GPX3: variants seen among roughly 807,000 people sequenced by gnomAD.
The protein encoded by GPX3 is GPx-3.
GPX3 carries 22 observed loss-of-function variants against 25.1 expected under a neutral mutation model. The ratio of observed to expected loss-of-function variants is 0.88; its 90% CI spans 0.63 to 1.25. GPX3 has a LOEUF of 1.25. Ranked by LOEUF, GPX3 falls within the 50% of genes most tolerant of loss-of-function variation. GPX3 has a pLI of 0.00. For missense variants in GPX3, 278 were observed against 286.6 expected (o/e 0.97, Z 0.22); for synonymous variants, 110 against 114.5 (o/e 0.96, Z 0.25).
At chr5:151,027,104 G>A (rs769035757) in intron 3 of GPX3, 87 bp downstream of exon 3, 14 of 898,930 alleles carry the variant, frequency 1.6e-5, no homozygotes, top group African/African-American at 5.0e-5. Flanking sequence ...GACATTTATC[G>A]GCCACCAAGA....
chr5:151,021,009 G>C (rs986062550), intron 1 of GPX3: 5 of 482,164 alleles, frequency 1.0e-5, no homozygotes, highest in Non-Finnish European at 1.9e-5. Flanking sequence ...CTCTCCCCGA[G>C]CTCGCACTTT....
chr5:151,025,645 A>G, intron 2 of GPX3, 152 bp downstream of exon 2: 1 of 622,206 alleles, frequency 1.6e-6, no homozygotes. Context: ...GGTTTTGTGA[A>G]GATGATTATA....
At chr5:151,027,361 C>A in intron 3 of GPX3, 71 bp from the exon 4 acceptor site, 1 of 973,106 alleles carries the variant, frequency 1.0e-6, no homozygotes, top group Non-Finnish European at 1.6e-6. Flanking sequence ...CTCCCCTGTT[C>A]TGTCCCTTCC....
intron 1 of GPX3, among the ~76,000 whole-genome samples, chr5:151,023,088 C>G (rs1225784834): frequency 1.3e-5 from 2 of 152,188 alleles, no homozygotes; most frequent in Non-Finnish European, 2.9e-5. Flanking sequence ...TCATCCAACT[C>G]TCAAGCCATT....
chr5:151,028,418 G>A lies in GPX3; in HGVS notation c.*288G>A, dbSNP rs955991510. On this transcript the variant is annotated 3_prime_UTR_variant, in exon 5 of 5. Coordinates refer to ENST00000388825, the MANE Select transcript of GPX3 (RefSeq NM_002084.5). ...GTCTTTCTGGGAATGTGTACCATCT[G>A]TGTGCCTGCAGCTGTGTAGTGCTGG... is the stretch of plus-strand genomic sequence containing the variant. 1.6e-5 allele frequency: 7 copies of A among 440,574 alleles called. No individual in the cohort carries two copies. The highest frequency in any genetic ancestry group is 3.0e-5 in the Non-Finnish European group (7 of 235,008). The allele number at this position is 440,574 out of a possible 1,614,324, so 27.3% of individuals were successfully genotyped here.
chr5:151,027,561 G>A (rs1756571028), intron 4 of GPX3, 30 bp downstream of exon 4: 5 of 1,416,986 alleles, frequency 3.5e-6, no homozygotes, highest in Non-Finnish European at 5.0e-6. Context: ...TGCTGGCTGG[G>A]GCTGCAGCCC....
rs147852697 is a variant in GPX3 at position 151,021,039 on chromosome 5, G to A, written c.87+298G>A. 525 of 419,456 alleles carry A rather than the reference G, an allele frequency of 1.3e-3. 12 individuals carry two copies. In the East Asian group the frequency reaches 0.027, roughly 22 times the overall value. 26.0% of individuals were successfully genotyped at this position (419,456 alleles called of 1,614,324 possible). A position where few individuals can be genotyped will look rare whatever the true frequency, so the allele number is the denominator to read the frequency against. ...CACTTTCTCCCCACTGCCACCTCGAGGGTCGCCTTGCTACATCTATGTCAC... is the reference window on the plus strand; with the variant it reads ...CACTTTCTCCCCACTGCCACCTCGAAGGTCGCCTTGCTACATCTATGTCAC... On this transcript the variant is annotated intron_variant, in intron 1 of 4. Coordinates refer to ENST00000388825, the MANE Select transcript of GPX3 (RefSeq NM_002084.5).
intron 1 of GPX3, among the ~76,000 whole-genome samples, chr5:151,023,984 G>T (rs371177447): frequency 6.6e-6 from 1 of 152,140 alleles, no homozygotes. Flanking sequence ...CTGGGGCCAC[G>T]CCCTGCCAGC....
rs1421202245 is a variant in GPX3, at chr5:151,028,948, G to C, written c.*818G>C. 1.3e-5 allele frequency: 2 copies of C among 152,896 alleles called. No individual in the cohort carries two copies. The highest frequency in any genetic ancestry group is 2.9e-5 in the Non-Finnish European group (2 of 68,218). The allele number at this position is 152,896 out of a possible 1,614,324, so 9.5% of individuals were successfully genotyped here. A position where few individuals can be genotyped will look rare whatever the true frequency, so the allele number is the denominator to read the frequency against. On this transcript the variant is annotated 3_prime_UTR_variant, in exon 5 of 5. Transcript: ENST00000388825. ...TCACCCCTCACTGGTCCACTGGCTT[G>C]AGACTCACCCCGTCTGCCCAGTAAA...
At chr5:151,027,209 G>C (rs555532765) in intron 3 of GPX3, among the ~76,000 whole-genome samples, 192 bp downstream of exon 3, 2 of 152,218 alleles carry the variant, frequency 1.3e-5, no homozygotes, top group Non-Finnish European at 2.9e-5. Flanking sequence ...ATGTGCATCC[G>C]CAGGGAGCAC....
rs750092217 is a variant in GPX3, at chr5:151,028,161, G to T, written c.*31G>T. ...GGCCGTCTCATCCCATGTCCACCAT[G>T]TAGGGGAGGGACTTTGTTCAGGAAG... On this transcript the variant is annotated 3_prime_UTR_variant, in exon 5 of 5. Coordinates refer to ENST00000388825, the MANE Select transcript of GPX3 (RefSeq NM_002084.5). The T allele has an allele frequency of 1.3e-6, 2 of 1,528,648 alleles. No individual in the cohort carries two copies. Among genetic ancestry groups the T allele is most frequent in the Non-Finnish European group, 1.8e-6 (2 of 1,125,510 alleles). The allele number at this position is 1,528,648 out of a possible 1,614,324, so 94.7% of individuals were successfully genotyped here.
intron 1 of GPX3, chr5:151,021,196 G>GTGGTCC (rs1756471105): frequency 4.2e-6 from 1 of 236,522 alleles, no homozygotes; most frequent in African/African-American, 2.4e-5. Context: ...AGGCAGCTGG[G>GTGGTCC]TGGTCCTGGT....
Position 151,025,465 on chromosome 5 carries a change from C to A in GPX3, c.213C>A (p.Ser71Arg). ...GKYVLFVNVASYUGLTGQYIE... is the reference protein window; with the variant it reads ...GKYVLFVNVARYUGLTGQYIE... ...ACGTCCTCTTTGTCAACGTGGCCAG[C>A]TACTGAGGCCTGACGGGCCAGTACA... The change falls in exon 2 of 5, where the codon AGC becomes AGA. Residue 71 changes from serine to arginine, a missense_variant. Coordinates refer to ENST00000388825, the MANE Select transcript of GPX3 (RefSeq NM_002084.5). 1.2e-6 allele frequency: 2 copies of A among 1,611,908 alleles called. No homozygotes were observed. Among genetic ancestry groups the A allele is most frequent in the Non-Finnish European group, 1.7e-6 (2 of 1,179,066 alleles).
At chr5:151,027,607 C>T in intron 4 of GPX3, 76 bp downstream of exon 4, 1 of 928,528 alleles carries the variant, frequency 1.1e-6, no homozygotes, top group East Asian at 2.4e-5. Context: ...GGGCCCATGC[C>T]ACCTCCCCTG....
At chr5:151,022,470 G>T (rs1247918853) in intron 1 of GPX3, among the ~76,000 whole-genome samples, 2 of 152,164 alleles carry the variant, frequency 1.3e-5, no homozygotes, top group African/African-American at 4.8e-5. Flanking sequence ...GCCCATCTCT[G>T]CTCCCAAGTT....
intron 1 of GPX3, among the ~76,000 whole-genome samples, chr5:151,023,230 A>G (rs752639988): frequency 5.3e-5 from 8 of 152,144 alleles, no homozygotes; most frequent in Non-Finnish European, 1.2e-4. Flanking sequence ...AAGGGGGCTC[A>G]TAGAGGACTG....
At chr5:151,022,810 C>T (rs1756496250) in intron 1 of GPX3, among the ~76,000 whole-genome samples, 2 of 152,150 alleles carry the variant, frequency 1.3e-5, no homozygotes, top group South Asian at 4.1e-4. Context: ...GGTGACTAAA[C>T]CTGGCAGAGA....
In GPX3 at chr5:151,025,483, C is replaced by A. The variant is rs770916140; in HGVS notation, c.231C>A (p.Gly77=). 1.4e-5 allele frequency: 23 copies of A among 1,608,108 alleles called. No individual in the cohort carries two copies. The highest frequency in any genetic ancestry group is 2.0e-5 in the Non-Finnish European group (23 of 1,177,446). Reference sequence around the variant, plus strand: ...TGGCCAGCTACTGAGGCCTGACGGGCCAGTACATTGGTAAGAGCCCACCCT... The same window carrying A: ...TGGCCAGCTACTGAGGCCTGACGGGACAGTACATTGGTAAGAGCCCACCCT... ...VNVASYUGLT[G]QYIELNALQE... is the part of the protein sequence containing the mutation. Residue 77 remains glycine (G), a synonymous_variant, in exon 2 of 5, where the codon GGC becomes GGA. Coordinates refer to ENST00000388825, the MANE Select transcript of GPX3 (RefSeq NM_002084.5).
At chr5:151,020,867 T>A in intron 1 of GPX3, 126 bp downstream of exon 1, 3 of 916,926 alleles carry the variant, frequency 3.3e-6, no homozygotes, top group Non-Finnish European at 5.1e-6. Context: ...GCGAGAGACC[T>A]CCTGAACCCC....
Sources: gnomAD v4.1 joint callset for allele counts (sites outside exome capture counted in the v4.1 genomes callset) on GRCh38, gnomAD v4.1.1 for gene constraint, MANE v1.5 for transcripts, NCBI Gene and HGNC (gene_info 2026-07-23, HGNC 2026-07-21) for gene names.